ULK4: variants seen among roughly 807,000 people sequenced by gnomAD.
The protein encoded by ULK4 is inactive serine/threonine-protein kinase ULK4.
Under a neutral mutation model 160.6 loss-of-function variants are expected in ULK4, and 133 were observed. The observed-to-expected ratio is 0.83, with a 90% CI of 0.72 to 0.96. The LOEUF is 0.96. ULK4 is among the 40% of genes least tolerant of loss of function. The probability of loss-of-function intolerance (pLI) is 0.00; values close to 1 mark genes in which losing one functional copy is unlikely to be tolerated. For synonymous variants in ULK4, 534 were observed against 539.8 expected (o/e 0.99, Z 0.15); for missense variants, 1,580 against 1,499.5 (o/e 1.05, Z -0.89).
At chr3:41,619,904 G>A (rs984446270) in intron 30 of ULK4, among the ~76,000 whole-genome samples, 1 of 151,920 alleles carries the variant, frequency 6.6e-6, no homozygotes, top group Admixed American at 6.6e-5. Context: ...GAATCAAATA[G>A]ACACAACAAA....
chr3:41,279,024 C>A (rs2079287741), intron 35 of ULK4, among the ~76,000 whole-genome samples: 1 of 151,950 alleles, frequency 6.6e-6, no homozygotes, highest in Non-Finnish European at 1.5e-5. Context: ...ATGTTCTAAC[C>A]CATTGCAAGG....
At chr3:41,770,633 C>A (rs1397975018) in intron 21 of ULK4, among the ~76,000 whole-genome samples, 1 of 151,930 alleles carries the variant, frequency 6.6e-6, no homozygotes, top group African/African-American at 2.4e-5. Flanking sequence ...GCCTCACCCT[C>A]CCAAGTAGCT....
At chr3:41,456,737 A>C (rs1252315604) in intron 33 of ULK4, among the ~76,000 whole-genome samples, 1 of 152,226 alleles carries the variant, frequency 6.6e-6, no homozygotes, top group African/African-American at 2.4e-5. Context: ...AAACAAAACC[A>C]CTTTTCAATA....
At chr3:41,736,643 G>T (rs1454571608) in intron 22 of ULK4, among the ~76,000 whole-genome samples, 6 of 151,442 alleles carry the variant, frequency 4.0e-5, no homozygotes, top group African/African-American at 7.3e-5. Context: ...TCTGTAGGTT[G>T]CCTGTTCACT....
rs763985605 is a variant in ULK4, at chr3:41,249,520, G to A, written c.3733C>T (p.Arg1245Trp). 8.1e-6 allele frequency: 13 copies of A among 1,613,918 alleles called. 1 individual carries two copies. Among genetic ancestry groups the A allele is most frequent in the South Asian group, 4.4e-5 (4 of 91,044 alleles). The stretch of plus-strand genomic sequence containing the variant: ...CCAGGGGCCAGCCGCTCCAGAGCCC[G>A]CAGGAGGCTGCCTGCATTCTTGAGG... Reference protein sequence around the residue: ...ESLKNAGSLLRALERLAPGSG... With the variant: ...ESLKNAGSLLWALERLAPGSG... The change falls in exon 36 of 37, where the codon CGG (arginine) becomes TGG (tryptophan). Residue 1245 changes from arginine (R) to tryptophan (W), a missense_variant. Physicochemically the swap from Arg to Trp is moderately radical, Grantham distance 101 (BLOSUM62 -3). Transcript: ENST00000301831.
chr3:41,492,360 T>C (rs1370684869), intron 32 of ULK4, among the ~76,000 whole-genome samples: 1 of 151,738 alleles, frequency 6.6e-6, no homozygotes, highest in African/African-American at 2.4e-5. Context: ...AGTGTAAAAG[T>C]GTTCCTATTT....
chr3:41,825,627 T>C (rs1053052153), intron 18 of ULK4, among the ~76,000 whole-genome samples: 2 of 151,904 alleles, frequency 1.3e-5, no homozygotes, highest in African/African-American at 4.8e-5. Context: ...TAAAAAGAAA[T>C]GAAAAAAGCC....
chr3:41,949,947 G>A (rs1234807541), intron 2 of ULK4, among the ~76,000 whole-genome samples: 3 of 151,508 alleles, frequency 2.0e-5, no homozygotes, highest in Non-Finnish European at 2.9e-5. Context: ...TGTTGCCCAG[G>A]CTGGTCCTGA....
At chr3:41,279,948 T>C (rs1169843025) in intron 35 of ULK4, among the ~76,000 whole-genome samples, 1 of 152,034 alleles carries the variant, frequency 6.6e-6, no homozygotes, top group Non-Finnish European at 1.5e-5. Flanking sequence ...TGCAGGAAGA[T>C]CTACCAAGCA....
intron 20 of ULK4, among the ~76,000 whole-genome samples, chr3:41,794,696 A>C (rs1345088047): frequency 1.3e-5 from 2 of 150,286 alleles, no homozygotes; most frequent in Admixed American, 6.7e-5. Context: ...ACACAGAAAA[A>C]AAAACCACAA....
chr3:41,674,392 C>T (rs866321172), intron 29 of ULK4, among the ~76,000 whole-genome samples: 7 of 152,214 alleles, frequency 4.6e-5, no homozygotes, highest in African/African-American at 1.7e-4. Context: ...TTAAACACTG[C>T]CTCTTCTCTT....
intron 35 of ULK4, among the ~76,000 whole-genome samples, chr3:41,383,219 C>T (rs1349052754): frequency 2.0e-5 from 3 of 151,954 alleles, no homozygotes; most frequent in African/African-American, 7.3e-5. Flanking sequence ...CTGCCTCAGC[C>T]TCCCGAGTAG....
intron 13 of ULK4, chr3:41,899,296 A>G (rs1343234369): frequency 1.3e-5 from 2 of 152,240 alleles, no homozygotes; most frequent in Non-Finnish European, 2.9e-5. Flanking sequence ...TAACTATACT[A>G]CAGACCTATA....
intron 21 of ULK4, among the ~76,000 whole-genome samples, chr3:41,760,515 C>A (rs2038951937): frequency 6.6e-6 from 1 of 152,004 alleles, no homozygotes; most frequent in Non-Finnish European, 1.5e-5. Context: ...ATCCCAAATC[C>A]AAAAATCTGA....
intron 21 of ULK4, among the ~76,000 whole-genome samples, chr3:41,775,082 GA>G (rs1212461558): frequency 7.7e-6 from 1 of 129,288 alleles, no homozygotes; most frequent in Non-Finnish European, 1.6e-5. Flanking sequence ...GAGGTGGAGG[GA>G]GGGGGGAGGG....
At position 41,912,515 on chromosome 3, in the gene ULK4, A is replaced by C. The variant is rs75998263; in HGVS notation, c.896+292T>G. ...ACCACACCTAACATAAAGAGGAGAA[A>C]AAAGATCCTACCATTTACTTGGGAG... On this transcript the variant is annotated intron_variant, in intron 9 of 36. Coordinates refer to ENST00000301831, the MANE Select transcript of ULK4 (RefSeq NM_017886.4). Among the ~76,000 whole-genome samples the C allele has an allele frequency of 3.8e-4, 58 of 152,314 alleles. 1 individual carries two copies. Among genetic ancestry groups the C allele is most frequent in the South Asian group, 1.2e-3 (6 of 4,826 alleles).
chr3:41,398,170 G>C lies in ULK4; in HGVS notation c.3587C>G (p.Ser1196Cys). Residue 1196 changes from serine (S) to cysteine (C), a missense_variant, in exon 35 of 37, where the codon TCT becomes TGT. Transcript: ENST00000301831. ...LYGGENPDSLSPENVEIFAHL... is the reference protein window; with the variant it reads ...LYGGENPDSLCPENVEIFAHL... Reference sequence around the variant, plus strand: ...AGCAAAAATTTCCACATTTTCAGGAGAGAGGCTGTCCGGGTTTTCCCCTCC... The same window carrying C: ...AGCAAAAATTTCCACATTTTCAGGACAGAGGCTGTCCGGGTTTTCCCCTCC... The C allele has an allele frequency of 1.2e-6, 2 of 1,613,572 alleles. No individual in the cohort carries two copies. The highest frequency in any genetic ancestry group is 1.7e-6 in the Non-Finnish European group (2 of 1,179,702).
intron 32 of ULK4, among the ~76,000 whole-genome samples, chr3:41,559,220 G>C (rs1231389396): frequency 1.4e-5 from 2 of 140,856 alleles, no homozygotes; most frequent in Non-Finnish European, 1.6e-5. Flanking sequence ...CCTTTTTTAT[G>C]GCTGCATAGT....
At chr3:41,322,817 A>T (rs896746674) in intron 35 of ULK4, among the ~76,000 whole-genome samples, 3 of 152,250 alleles carry the variant, frequency 2.0e-5, no homozygotes, top group African/African-American at 7.2e-5. Flanking sequence ...TTACAGGATG[A>T]CATTTCAAAA....
Sources: gnomAD v4.1 joint callset for allele counts (sites outside exome capture counted in the v4.1 genomes callset) on GRCh38, gnomAD v4.1.1 for gene constraint, MANE v1.5 for transcripts, NCBI Gene and HGNC (gene_info 2026-07-23, HGNC 2026-07-21) for gene names.